Variants in GRIA4 observed in about 807,000 individuals in gnomAD.
GRIA4 encodes the protein glutamate ionotropic receptor AMPA type subunit 4.
In GRIA4, 34 loss-of-function variants were observed where a neutral mutation model predicts 104.0. That is an observed-to-expected ratio of 0.33 (90% CI 0.25 to 0.44). The LOEUF is 0.44. Among genes scored for constraint, GRIA4 ranks in the 20% least tolerant of loss-of-function variants. The pLI is 1.00. For missense variants in GRIA4, 750 were observed against 1,096.5 expected (o/e 0.68, Z 4.46); for synonymous variants, 386 against 381.9 (o/e 1.01, Z -0.13).
At chr11:105,680,928 C>A (rs1952690120) in intron 3 of GRIA4, among the ~76,000 whole-genome samples, 1 of 152,198 alleles carries the variant, frequency 6.6e-6, no homozygotes, top group Non-Finnish European at 1.5e-5. Flanking sequence ...TACATTACAA[C>A]ATCCTCCATA....
intron 3 of GRIA4, among the ~76,000 whole-genome samples, chr11:105,713,490 G>A (rs1365110467): frequency 2.0e-5 from 3 of 152,044 alleles, no homozygotes; most frequent in Non-Finnish European, 2.9e-5. Context: ...TGGAATTATG[G>A]GATCTTTTCC....
chr11:105,961,295 T>C (rs1356017702), intron 14 of GRIA4, among the ~76,000 whole-genome samples: 1 of 152,256 alleles, frequency 6.6e-6, no homozygotes, highest in Non-Finnish European at 1.5e-5. Context: ...TTATTTTATA[T>C]GATTTAAATT....
At chr11:105,806,819 A>C (rs1049270227) in intron 4 of GRIA4, among the ~76,000 whole-genome samples, 2 of 151,820 alleles carry the variant, frequency 1.3e-5, no homozygotes, top group African/African-American at 4.8e-5. Flanking sequence ...AGAACAGGAG[A>C]CCATAAAAGG....
chr11:105,709,295 T>C (rs1217625056), intron 3 of GRIA4, among the ~76,000 whole-genome samples: 1 of 152,022 alleles, frequency 6.6e-6, no homozygotes, highest in Non-Finnish European at 1.5e-5. Flanking sequence ...AATAAATAGA[T>C]GGAGGAGAAG....
chr11:105,893,581 A>G (rs1946531148), intron 6 of GRIA4, among the ~76,000 whole-genome samples: 3 of 152,192 alleles, frequency 2.0e-5, no homozygotes, highest in Admixed American at 6.5e-5. Context: ...TACTTTCAGC[A>G]TAAGAACAGG....
At chr11:105,656,488 A>C (rs911786460) in intron 3 of GRIA4, among the ~76,000 whole-genome samples, 1 of 152,160 alleles carries the variant, frequency 6.6e-6, no homozygotes, top group Non-Finnish European at 1.5e-5. Context: ...CTAAAACACC[A>C]AAAGCAATGC....
At chr11:105,910,604 C>T in intron 10 of GRIA4, 59 bp downstream of exon 10, 1 of 867,560 alleles carries the variant, frequency 1.2e-6, no homozygotes, top group Admixed American at 1.8e-5. Context: ...TTTTAACTCC[C>T]CAGCGACGGT....
At chr11:105,730,958 C>T (rs779457879) in intron 3 of GRIA4, among the ~76,000 whole-genome samples, 3 of 152,014 alleles carry the variant, frequency 2.0e-5, no homozygotes, top group Non-Finnish European at 2.9e-5. Flanking sequence ...CCTCAGAACA[C>T]AGGCCTGGGC....
In GRIA4 at chr11:105,899,315, A is replaced by G. The variant is rs147658561; in HGVS notation, c.885+888A>G. 3.9e-5 allele frequency among the ~76,000 whole-genome samples: 6 copies of G among 152,338 alleles called. No individual in the cohort carries two copies. In the East Asian group the frequency reaches 1.2e-3, roughly 29 times the overall value. On this transcript the variant is annotated intron_variant, in intron 7 of 16. Coordinates refer to ENST00000282499, the MANE Select transcript of GRIA4 (RefSeq NM_000829.4). ...AATTTCAAAACAGAACATTAAATGG[A>G]TGTCCACTATGTGTCAAGCACTGTT...
intron 3 of GRIA4, among the ~76,000 whole-genome samples, chr11:105,730,212 C>G (rs550830660): frequency 6.6e-6 from 1 of 152,214 alleles, no homozygotes; most frequent in East Asian, 1.9e-4. Context: ...GTGCAAAAAT[C>G]AAAGCATTCA....
intron 3 of GRIA4, among the ~76,000 whole-genome samples, chr11:105,664,407 G>A (rs750824654): frequency 2.7e-5 from 4 of 150,710 alleles, no homozygotes; most frequent in Non-Finnish European, 5.9e-5. Context: ...GATCCAAGAG[G>A]TATGGGCACA....
intron 4 of GRIA4, among the ~76,000 whole-genome samples, chr11:105,848,271 TG>T (rs1944667268): frequency 6.6e-6 from 1 of 152,218 alleles, no homozygotes; most frequent in Non-Finnish European, 1.5e-5. Flanking sequence ...TCTTTGAAAT[TG>T]TAAACTCTTG....
chr11:105,790,242 G>A (rs935579923), intron 4 of GRIA4, among the ~76,000 whole-genome samples: 1 of 152,094 alleles, frequency 6.6e-6, no homozygotes, highest in Non-Finnish European at 1.5e-5. Flanking sequence ...TACACAAACT[G>A]TGTTCTCTAG....
intron 4 of GRIA4, among the ~76,000 whole-genome samples, chr11:105,796,768 C>A (rs576406022): frequency 6.6e-6 from 1 of 152,144 alleles, no homozygotes; most frequent in Non-Finnish European, 1.5e-5. Context: ...AAGATTAATA[C>A]TTTCAGAGCT....
intron 3 of GRIA4, among the ~76,000 whole-genome samples, chr11:105,668,239 A>AC (rs1555095734): frequency 1.5e-5 from 2 of 136,638 alleles, no homozygotes; most frequent in African/African-American, 5.4e-5. Flanking sequence ...ATATATATAT[A>AC]TATATATACT....
rs1315621390 is a variant in GRIA4 at position 105,610,865 on chromosome 11, C to CT, written c.-90-39dup. On this transcript the variant is annotated intron_variant, in intron 1 of 16. Coordinates refer to ENST00000282499, the MANE Select transcript of GRIA4 (RefSeq NM_000829.4). ...TTCCTTTTTTTTCTTTCTTTTCTTT[C>CT]TTTTCTTTTTTTTTTTTTTTTTTTG... 5 of 505,898 alleles carry CT rather than the reference C, an allele frequency of 9.9e-6. No individual in the cohort carries two copies. The African/African-American group carries it at 1.2e-4, about 12-fold the overall frequency. The allele number at this position is 505,898 out of a possible 1,614,324, so 31.3% of individuals were successfully genotyped here.
intron 14 of GRIA4, among the ~76,000 whole-genome samples, chr11:105,936,174 T>A (rs1948029590): frequency 6.6e-6 from 1 of 152,114 alleles, no homozygotes; most frequent in Non-Finnish European, 1.5e-5. Flanking sequence ...AGGCTTAAAT[T>A]CTCATTCTTA....
Position 105,641,862 on chromosome 11 carries a change from G to A in GRIA4, c.247+29428G>A, listed in dbSNP as rs12289600. On this transcript the variant is annotated intron_variant, in intron 3 of 16. Transcript: ENST00000282499. ...ACCACAGACTGTGGCTTAAACAACA[G>A]AAATAACAAAGTAGCACAGACTGTG... Among the ~76,000 whole-genome samples the A allele has an allele frequency of 3.0e-3, 450 of 152,248 alleles. 4 individuals carry two copies. The highest frequency in any genetic ancestry group is 0.011 in the African/African-American group (439 of 41,544).
At chr11:105,871,477 G>A (rs1393580807) in intron 5 of GRIA4, among the ~76,000 whole-genome samples, 1 of 149,664 alleles carries the variant, frequency 6.7e-6, no homozygotes, top group Non-Finnish European at 1.5e-5. Flanking sequence ...TTAGACCTTT[G>A]GGATTTTTAA....
Sources: gnomAD v4.1 joint callset for allele counts (sites outside exome capture counted in the v4.1 genomes callset) on GRCh38, gnomAD v4.1.1 for gene constraint, MANE v1.5 for transcripts, NCBI Gene and HGNC (gene_info 2026-07-23, HGNC 2026-07-21) for gene names.